The following PCLO variants were observed in gnomAD, a reference collection of about 807,000 sequenced individuals.
The protein encoded by PCLO is piccolo presynaptic cytomatrix protein.
Under a neutral mutation model 427.5 loss-of-function variants are expected in PCLO, and 82 were observed. That is an observed-to-expected ratio of 0.19 (90% CI 0.16 to 0.23). The LOEUF is 0.23. Ranked by LOEUF, PCLO falls within the 10% of genes least tolerant of loss-of-function variation. The pLI is 1.00. For missense variants in PCLO, 6,239 were observed against 6,115.9 expected (o/e 1.02, Z -0.67); for synonymous variants, 2,357 against 2,155.4 (o/e 1.09, Z -2.59).
chr7:83,073,552 C>A (rs1211255914), intron 3 of PCLO, among the ~76,000 whole-genome samples: 1 of 151,920 alleles, frequency 6.6e-6, no homozygotes, highest in African/African-American at 2.4e-5. Context: ...TTTGCAGCTT[C>A]AATTACCAAG....
At chr7:82,938,526 CTTA>C (rs902974338) in intron 6 of PCLO, among the ~76,000 whole-genome samples, 2 of 151,838 alleles carry the variant, frequency 1.3e-5, no homozygotes, top group African/African-American at 4.8e-5. Flanking sequence ...ATTTCAAAAA[CTTA>C]TTGGGGCAGC....
chr7:83,052,025 A>G, intron 3 of PCLO, among the ~76,000 whole-genome samples: 1 of 152,068 alleles, frequency 6.6e-6, no homozygotes, highest in Non-Finnish European at 1.5e-5. Context: ...CACCTTTTAG[A>G]AAAAATAACC....
At chr7:82,771,390 TG>T (rs1456534436) in intron 22 of PCLO, among the ~76,000 whole-genome samples, 12 of 151,972 alleles carry the variant, frequency 7.9e-5, no homozygotes, top group African/African-American at 2.7e-4. Flanking sequence ...TCACTGGATT[TG>T]GTTTTCAAGT....
At chr7:82,811,167 T>G (rs762920353) in intron 20 of PCLO, among the ~76,000 whole-genome samples, 1 of 151,570 alleles carries the variant, frequency 6.6e-6, no homozygotes, top group Non-Finnish European at 1.5e-5. Context: ...ATTTTAAGAT[T>G]AACCGAAATA....
In PCLO at chr7:83,082,564, T is replaced by A. The variant is rs565311242; in HGVS notation, c.3300+51686A>T. On this transcript the variant is annotated intron_variant, in intron 3 of 24. Coordinates refer to ENST00000333891, the MANE Select transcript of PCLO (RefSeq NM_033026.6). ...GTAGAAAATAGAGTTAGAAATAATA[T>A]CTGATGTTGGTAGTACAATAGGGTG... 8.6e-5 allele frequency among the ~76,000 whole-genome samples: 13 copies of A among 151,760 alleles called. No homozygotes were observed. In the East Asian group the frequency reaches 2.3e-3, roughly 27 times the overall value.
chr7:82,927,208 CA>C, intron 6 of PCLO, among the ~76,000 whole-genome samples: 1 of 152,196 alleles, frequency 6.6e-6, no homozygotes, highest in East Asian at 1.9e-4. Flanking sequence ...AAATTAGGAC[CA>C]ATTGTACACT....
intron 9 of PCLO, among the ~76,000 whole-genome samples, chr7:82,882,642 G>A (rs1464233321): frequency 6.6e-6 from 1 of 152,090 alleles, no homozygotes; most frequent in Non-Finnish European, 1.5e-5. Context: ...ACCTTCAAAG[G>A]TTGGGATATT....
intron 3 of PCLO, among the ~76,000 whole-genome samples, chr7:83,045,058 G>A (rs890472853): frequency 3.3e-5 from 5 of 152,128 alleles, no homozygotes; most frequent in Admixed American, 6.6e-5. Flanking sequence ...AAATCTGACT[G>A]AAAAGCAGAC....
chr7:82,952,507 C>T lies in PCLO; in HGVS notation c.8446G>A (p.Ala2816Thr), dbSNP rs1427502723. 4.3e-6 allele frequency: 7 copies of T among 1,613,940 alleles called. 1 individual carries two copies. The highest frequency in any genetic ancestry group is 2.2e-5 in the East Asian group (1 of 44,870). Residue 2816 changes from alanine to threonine, a missense_variant, in exon 5 of 25, where the codon GCA becomes ACA. Physicochemically the swap from Ala to Thr is moderately conservative, Grantham distance 58 (BLOSUM62 0). This residue lies in a region of PCLO where 4,677 missense variants were observed against 4,468.4 expected (regional missense o/e 1.05). Coordinates refer to ENST00000333891, the MANE Select transcript of PCLO (RefSeq NM_033026.6). ...YTTGTESLVG[A>T]EHAMTTPLQL... The stretch of plus-strand genomic sequence containing the variant: ...AGTGGTGTTGTCATTGCATGTTCTG[C>T]ACCCACTAGGCTTTCTGTGCCTGTA...
At chr7:83,102,356 C>T (rs1466906340) in intron 3 of PCLO, among the ~76,000 whole-genome samples, 1 of 151,882 alleles carries the variant, frequency 6.6e-6, no homozygotes, top group African/African-American at 2.4e-5. Flanking sequence ...CACCTAACAA[C>T]CCAATGCAGA....
At chr7:83,072,020 CTTATT>C (rs202072482) in intron 3 of PCLO, among the ~76,000 whole-genome samples, 102 of 152,050 alleles carry the variant, frequency 6.7e-4, no homozygotes, top group African/African-American at 2.1e-3. Flanking sequence ...ATTCAAATTT[CTTATT>C]TTAAGTTTAA....
chr7:83,034,895 C>T (rs1169042245), intron 3 of PCLO, among the ~76,000 whole-genome samples: 10 of 152,180 alleles, frequency 6.6e-5, no homozygotes, highest in South Asian at 6.2e-4. Context: ...CTACCTTGTA[C>T]GCTTGGTGAT....
At chr7:82,871,491 T>C (rs545936535) in intron 10 of PCLO, among the ~76,000 whole-genome samples, 14 of 152,030 alleles carry the variant, frequency 9.2e-5, no homozygotes, top group Middle Eastern at 3.4e-3. Context: ...GATTGTTTAA[T>C]GAGACAAATG....
At chr7:83,038,360 A>T (rs1323967507) in intron 3 of PCLO, among the ~76,000 whole-genome samples, 2 of 151,512 alleles carry the variant, frequency 1.3e-5, no homozygotes, top group Non-Finnish European at 3.0e-5. Context: ...ACGTTTAGTT[A>T]TCACCCTCAG....
intron 3 of PCLO, among the ~76,000 whole-genome samples, chr7:82,993,082 T>C (rs1462871835): frequency 2.6e-5 from 4 of 152,014 alleles, no homozygotes; most frequent in African/African-American, 9.7e-5. Flanking sequence ...CCTCCCAAGC[T>C]GAAACTCTAA....
At chr7:82,820,678 T>C in intron 20 of PCLO, 1 of 1,230,788 alleles carries the variant, frequency 8.1e-7, no homozygotes, top group Non-Finnish European at 1.0e-6. Flanking sequence ...ATTTTCAAAA[T>C]CCACTAAATT....
chr7:83,003,238 C>T (rs534623233), intron 3 of PCLO, among the ~76,000 whole-genome samples: 73 of 151,006 alleles, frequency 4.8e-4, no homozygotes, highest in African/African-American at 1.5e-3. Flanking sequence ...TTTATGCATA[C>T]GTTTATATGT....
intron 3 of PCLO, among the ~76,000 whole-genome samples, chr7:83,112,519 A>C (rs1423349368): frequency 6.6e-6 from 1 of 152,182 alleles, no homozygotes; most frequent in Non-Finnish European, 1.5e-5. Flanking sequence ...AAGAAAAGAA[A>C]TCTCAGACCA....
chr7:83,091,599 T>C (rs1315027291), intron 3 of PCLO, among the ~76,000 whole-genome samples: 1 of 152,190 alleles, frequency 6.6e-6, no homozygotes, highest in Non-Finnish European at 1.5e-5. Context: ...CTAAACACTC[T>C]TGGGAAGGAA....
Sources: gnomAD v4.1 joint callset for allele counts (sites outside exome capture counted in the v4.1 genomes callset) on GRCh38, gnomAD v4.1.1 for gene constraint, gnomAD v4.1.1 regional missense constraint, MANE v1.5 for transcripts, NCBI Gene and HGNC (gene_info 2026-07-23, HGNC 2026-07-21) for gene names.